NTSR2: variants seen among roughly 807,000 people sequenced by gnomAD.
The protein encoded by NTSR2 is neurotensin receptor 2, also known as neurotensin receptor type 2.
Under a neutral mutation model 24.1 loss-of-function variants are expected in NTSR2, and 22 were observed. The observed-to-expected ratio is 0.91, with a 90% CI of 0.65 to 1.30. NTSR2 has a LOEUF of 1.30. NTSR2 is among the 50% of genes most tolerant of loss of function. The probability of loss-of-function intolerance (pLI) is 0.00; values close to 1 mark genes in which losing one functional copy is unlikely to be tolerated. For missense variants in NTSR2, 570 were observed against 570.4 expected, an observed-to-expected ratio of 1.00 and a Z score of 0.01; for synonymous variants, 291 against 267.0, an observed-to-expected ratio of 1.09 and a Z score of -0.88.
At chr2:11,669,460 G>GGGGGGGGGGGGC in intron 1 of NTSR2, 46 bp downstream of exon 1, 4 of 254,722 alleles carry the variant, frequency 1.6e-5, no homozygotes, top group African/African-American at 3.1e-5. Context: ...TCCCAGCACC[G>GGGGGGGGGGGGC]CCCCCCCACC....
In NTSR2 at chr2:11,669,468, A is replaced by ACCCCCCCCCCCCCCCCCCC; in HGVS notation, c.624+37_624+38insGGGGGGGGGGGGGGGGGGG. Reference sequence around the variant, plus strand: ...TCCCTCCTCCCAGCACCGCCCCCCCACCCCCCCTCCCCCGACTCCCGCTCT... The same window carrying ACCCCCCCCCCCCCCCCCCC: ...TCCCTCCTCCCAGCACCGCCCCCCCACCCCCCCCCCCCCCCCCCCCCCCCCCTCCCCCGACTCCCGCTCT... On this transcript the variant is annotated intron_variant, in intron 1 of 3. Coordinates refer to ENST00000306928, the MANE Select transcript of NTSR2 (RefSeq NM_012344.4). 3 of 81,058 alleles carry ACCCCCCCCCCCCCCCCCCC rather than the reference A, an allele frequency of 3.7e-5. 1 individual carries two copies. Among genetic ancestry groups the ACCCCCCCCCCCCCCCCCCC allele is most frequent in the Non-Finnish European group, 6.7e-5 (3 of 44,672 alleles). 5.0% of individuals were successfully genotyped at this position (81,058 alleles called of 1,614,324 possible).
chr2:11,662,303 C>T, intron 1 of NTSR2, 63 bp from the exon 2 acceptor site: 2 of 1,420,300 alleles, frequency 1.4e-6, no homozygotes. Context: ...CGCCATCTGG[C>T]TGTGCCCCAG....
rs1553393598 is a variant in NTSR2 at position 11,669,950 on chromosome 2, C to A, written c.180G>T (p.Ala60=). The change falls in exon 1 of 4, where the codon GCG becomes GCT. Residue 60 remains alanine, a synonymous_variant. Transcript: ENST00000306928. ...NALSAHVVLK[A]RAGRAGRLRH... The stretch of plus-strand genomic sequence containing the variant: ...GCAGGCGCCCCGCGCGCCCGGCCCG[C>A]GCCTTCAGCACCACGTGCGCGGACA... 3 of 1,512,126 alleles carry A rather than the reference C, an allele frequency of 2.0e-6. No individual in the cohort carries two copies. The highest frequency in any genetic ancestry group is 5.0e-5 in the East Asian group (2 of 39,862). 93.7% of individuals were successfully genotyped at this position (1,512,126 alleles called of 1,614,324 possible).
intron 1 of NTSR2, 46 bp downstream of exon 1, chr2:11,669,460 G>GGGGGGGGGGGGGCCCCCCCCC: frequency 5.1e-5 from 13 of 254,714 alleles, no homozygotes; most frequent in Admixed American, 6.7e-5. Flanking sequence ...TCCCAGCACC[G>GGGGGGGGGGGGGCCCCCCCCC]CCCCCCCACC....
At chr2:11,665,085 C>CTTTAA in intron 1 of NTSR2, among the ~76,000 whole-genome samples, 2 of 71,668 alleles carry the variant, frequency 2.8e-5, no homozygotes, top group Admixed American at 2.0e-4. Flanking sequence ...TTTTTTTTTC[C>CTTTAA]AAGCTTGTCT....
chr2:11,660,676 G>A (rs955896926), intron 2 of NTSR2, among the ~76,000 whole-genome samples: 6 of 152,152 alleles, frequency 3.9e-5, no homozygotes, highest in Admixed American at 1.3e-4. Flanking sequence ...GGAAGGAGGA[G>A]GTTGCAGTGA....
At chr2:11,661,170 T>C (rs1487938147) in intron 2 of NTSR2, among the ~76,000 whole-genome samples, 1 of 152,214 alleles carries the variant, frequency 6.6e-6, no homozygotes, top group Non-Finnish European at 1.5e-5. Flanking sequence ...CTCCAGATCA[T>C]TCTTAACACA....
chr2:11,669,803 G>A lies in NTSR2; in HGVS notation c.327C>T (p.Arg109=), dbSNP rs1003327002. ...YPWVFGDLGC[R]GYYFVHELCA... ...ACAGCTCGTGCACGAAGTAGTAGCC[G>A]CGGCAGCCCAGGTCGCCGAAGACCC... The change falls in exon 1 of 4, where the codon CGC becomes CGT. Residue 109 remains arginine (R), a synonymous_variant. Transcript: ENST00000306928. 3 of 1,562,736 alleles carry A rather than the reference G, an allele frequency of 1.9e-6. No individual in the cohort carries two copies. Among genetic ancestry groups the A allele is most frequent in the African/African-American group, 2.7e-5 (2 of 74,074 alleles).
intron 3 of NTSR2, 107 bp from the exon 4 acceptor site, chr2:11,658,829 A>G (rs80254523): frequency 7.9e-7 from 1 of 1,262,720 alleles, no homozygotes; most frequent in East Asian, 2.3e-5. Flanking sequence ...GACGAAGCCT[A>G]TTTTCTGCTA....
chr2:11,663,322 A>G (rs1382276416), intron 1 of NTSR2, among the ~76,000 whole-genome samples: 2 of 152,174 alleles, frequency 1.3e-5, no homozygotes, highest in Non-Finnish European at 2.9e-5. Context: ...GCCCCCGTGC[A>G]GATGAGACTT....
Position 11,662,088 on chromosome 2 carries a change from C to T in NTSR2, c.777G>A (p.Glu259=), listed in dbSNP as rs374209433. 167 of 1,613,454 alleles carry T rather than the reference C, an allele frequency of 1.0e-4. No individual in the cohort carries two copies. Among genetic ancestry groups the T allele is most frequent in the Non-Finnish European group, 1.3e-4 (152 of 1,179,910 alleles). The change falls in exon 2 of 4, where the codon GAG becomes GAA. Residue 259 remains glutamate (E), a synonymous_variant. Coordinates refer to ENST00000306928, the MANE Select transcript of NTSR2 (RefSeq NM_012344.4). ...ATACGATGAAGCTGAGGAGACCCTC[C>T]TCACTCAGCAGCTCCAGGCGGCTGG... ...STPSRLELLS[E]EGLLSFIVWK...
In NTSR2 at chr2:11,662,220, G is replaced by A. The variant is rs1365475454; in HGVS notation, c.645C>T (p.Phe215=). The A allele has an allele frequency of 3.3e-6, 5 of 1,533,492 alleles. No individual in the cohort carries two copies. Among genetic ancestry groups the A allele is most frequent in the Non-Finnish European group, 4.4e-6 (5 of 1,139,234 alleles). The allele number at this position is 1,533,492 out of a possible 1,614,324, so 95.0% of individuals were successfully genotyped here. The change falls in exon 2 of 4, where the codon TTC becomes TTT. Residue 215 remains phenylalanine (F), a synonymous_variant. Transcript: ENST00000306928. ...AAGCAGTTAGTGCCAAGGGGAGCAC[G>A]AAGGACACCAGCACATTCACCTGTG... is the stretch of plus-strand genomic sequence containing the variant. ...VFIQVNVLVS[F]VLPLALTAFL... is the part of the protein sequence containing the mutation.
At chr2:11,666,584 A>G (rs558330526) in intron 1 of NTSR2, among the ~76,000 whole-genome samples, 160 of 152,260 alleles carry the variant, frequency 1.1e-3, no homozygotes, top group Non-Finnish European at 1.8e-3. Context: ...CTGTAGTCTC[A>G]GCTACTTGGG....
rs199659575 is a variant in NTSR2 at position 11,669,524 on chromosome 2, C to G, written c.606G>C (p.Ala202=). 7,396 of 1,202,244 alleles carry G rather than the reference C, an allele frequency of 6.2e-3. 33 individuals are homozygous for G. The highest frequency in any genetic ancestry group is 7.0e-3 in the Non-Finnish European group (6,670 of 952,910). 74.5% of individuals were successfully genotyped at this position (1,202,244 alleles called of 1,614,324 possible). ...RVCTVLVSRT[A]LQVFIQVNVL... is the part of the protein sequence containing the mutation. ...CCCTTACCTGGATAAAGACTTGGAG[C>G]GCGGTGCGGCTCACCAGCACCGTGC... The change falls in exon 1 of 4, where the codon GCG becomes GCC. Residue 202 remains alanine (A), a synonymous_variant. Transcript: ENST00000306928.
At chr2:11,659,678 C>T (rs951421719) in intron 3 of NTSR2, among the ~76,000 whole-genome samples, 8 of 152,184 alleles carry the variant, frequency 5.3e-5, no homozygotes, top group African/African-American at 1.2e-4. Context: ...CTCCTGGGGT[C>T]GCACCTTTGT....
chr2:11,668,319 A>C (rs1661248335), intron 1 of NTSR2, among the ~76,000 whole-genome samples: 1 of 152,184 alleles, frequency 6.6e-6, no homozygotes, highest in Admixed American at 6.5e-5. Flanking sequence ...AGGAACGAGG[A>C]GAGGGTATAG....
At chr2:11,669,460 G>GGGCGGGGGGGGGGGGC in intron 1 of NTSR2, 46 bp downstream of exon 1, 1 of 254,726 alleles carries the variant, frequency 3.9e-6, no homozygotes, top group Non-Finnish European at 6.9e-6. Flanking sequence ...TCCCAGCACC[G>GGGCGGGGGGGGGGGGC]CCCCCCCACC....
At position 11,658,407 on chromosome 2, in the gene NTSR2, G is replaced by T. The variant is rs750364405; in HGVS notation, c.*72C>A. 3.7e-5 allele frequency: 56 copies of T among 1,521,506 alleles called. No homozygotes were observed. Among genetic ancestry groups the T allele is most frequent in the Non-Finnish European group, 4.9e-5 (56 of 1,134,768 alleles). 94.3% of individuals were successfully genotyped at this position (1,521,506 alleles called of 1,614,324 possible). ...CGAAGCTTGAATGATTAGTGATGAG[G>T]TTGCTCACCTGCTTTGCCAGGTGAC... On this transcript the variant is annotated 3_prime_UTR_variant, in exon 4 of 4. Coordinates refer to ENST00000306928, the MANE Select transcript of NTSR2 (RefSeq NM_012344.4).
chr2:11,667,435 C>T (rs1292436470), intron 1 of NTSR2, among the ~76,000 whole-genome samples: 1 of 152,194 alleles, frequency 6.6e-6, no homozygotes, highest in Non-Finnish European at 1.5e-5. Context: ...TAACCTCAAA[C>T]TCCTCGGTTC....
Sources: allele counts gnomAD v4.1 joint callset (sites outside exome capture counted in the v4.1 genomes callset), GRCh38; gene constraint gnomAD v4.1.1; transcripts MANE v1.5; gene names NCBI Gene and HGNC (gene_info 2026-07-23, HGNC 2026-07-21).